Variants in GRM7 observed in about 807,000 individuals in gnomAD.
GRM7 encodes the protein glutamate metabotropic receptor 7.
Under a neutral mutation model 84.5 loss-of-function variants are expected in GRM7, and 35 were observed. That is an observed-to-expected ratio of 0.41 (90% confidence interval 0.32 to 0.55). The LOEUF (loss-of-function observed/expected upper bound fraction) is 0.55, where lower values mean the gene tolerates loss of function less well. Among genes scored for constraint, GRM7 ranks in the 20% least tolerant of loss-of-function variants. GRM7 has a pLI of 0.19. For missense variants in GRM7, 1,003 were observed against 1,194.6 expected (o/e 0.84, Z 2.36); for synonymous variants, 487 against 455.1 (o/e 1.07, Z -0.89).
At chr3:7,184,136 T>C (rs1695435968) in intron 2 of GRM7, among the ~76,000 whole-genome samples, 1 of 152,068 alleles carries the variant, frequency 6.6e-6, no homozygotes. Context: ...AGAGAGAGAA[T>C]GAGAAGACTA....
chr3:7,534,306 G>A (rs1437912070), intron 7 of GRM7, among the ~76,000 whole-genome samples: 5 of 152,176 alleles, frequency 3.3e-5, no homozygotes, highest in Middle Eastern at 3.4e-3. Context: ...GAGCCATGGC[G>A]CCCAGCTGAA....
chr3:7,139,462 T>C (rs929309196), intron 1 of GRM7, among the ~76,000 whole-genome samples: 9 of 151,956 alleles, frequency 5.9e-5, no homozygotes, highest in Non-Finnish European at 1.0e-4. Flanking sequence ...TAAAAAGTAC[T>C]GATTTAAAAA....
At chr3:6,945,469 A>G (rs974397322) in intron 1 of GRM7, among the ~76,000 whole-genome samples, 1 of 152,056 alleles carries the variant, frequency 6.6e-6, no homozygotes, top group African/African-American at 2.4e-5. Flanking sequence ...TCATTGTTGG[A>G]CATTTCAGTT....
intron 1 of GRM7, among the ~76,000 whole-genome samples, chr3:7,080,830 AATC>A (rs1698253060): frequency 6.6e-6 from 1 of 152,036 alleles, no homozygotes; most frequent in African/African-American, 2.4e-5. Context: ...TTTTTAAAAA[AATC>A]ATTCTTGCGT....
intron 2 of GRM7, among the ~76,000 whole-genome samples, chr3:7,279,367 A>G (rs895146214): frequency 5.9e-5 from 9 of 152,162 alleles, no homozygotes; most frequent in Admixed American, 2.0e-4. Flanking sequence ...CCAGATACCA[A>G]TATCTGTTGA....
chr3:6,871,895 T>C (rs1695134319), intron 1 of GRM7, among the ~76,000 whole-genome samples: 1 of 152,034 alleles, frequency 6.6e-6, no homozygotes, highest in Non-Finnish European at 1.5e-5. Flanking sequence ...CATAATTAAG[T>C]TCAGTAGAGT....
chr3:7,358,716 A>G (rs1693519335), intron 4 of GRM7, among the ~76,000 whole-genome samples: 2 of 125,202 alleles, frequency 1.6e-5, no homozygotes, highest in Non-Finnish European at 3.4e-5. Flanking sequence ...TTTTGGGATA[A>G]GCTTCTCTTT....
chr3:7,734,305 T>C (rs1293048546), intron 9 of GRM7, among the ~76,000 whole-genome samples: 1 of 151,856 alleles, frequency 6.6e-6, no homozygotes, highest in Non-Finnish European at 1.5e-5. Flanking sequence ...TTTATCTTCA[T>C]CTCACTGAGT....
chr3:7,451,442 G>A (rs1412974686), intron 5 of GRM7, among the ~76,000 whole-genome samples: 2 of 152,190 alleles, frequency 1.3e-5, no homozygotes, highest in African/African-American at 4.8e-5. Flanking sequence ...GTATGATGGT[G>A]AAAGCAAAGA....
intron 1 of GRM7, among the ~76,000 whole-genome samples, chr3:7,002,248 G>T (rs949501669): frequency 2.0e-5 from 3 of 152,104 alleles, no homozygotes; most frequent in African/African-American, 7.2e-5. Context: ...TGCCACAAAG[G>T]TCTCCCAAGC....
intron 1 of GRM7, among the ~76,000 whole-genome samples, chr3:6,945,369 A>G (rs537484630): frequency 6.6e-6 from 1 of 152,208 alleles, no homozygotes; most frequent in East Asian, 1.9e-4. Context: ...AGCTTCATTC[A>G]TGCCCCTACA....
intron 9 of GRM7, 188 bp downstream of exon 9, chr3:7,680,483 C>T (rs1461146931): frequency 6.6e-6 from 4 of 607,004 alleles, no homozygotes; most frequent in Admixed American, 3.0e-5. Context: ...CTTTTTGTTC[C>T]TTGTTGGAAA....
intron 3 of GRM7, among the ~76,000 whole-genome samples, chr3:7,302,269 G>GT (rs928576139): frequency 2.0e-5 from 3 of 152,016 alleles, no homozygotes; most frequent in Middle Eastern, 3.4e-3. Flanking sequence ...TTTGCAATAA[G>GT]TTTTTTTATA....
chr3:7,097,173 G>A (rs2125015375), intron 1 of GRM7, among the ~76,000 whole-genome samples: 1 of 152,214 alleles, frequency 6.6e-6, no homozygotes, highest in South Asian at 2.1e-4. Flanking sequence ...GATGGAGAGT[G>A]GTAGACTGAC....
At chr3:7,113,145 A>T (rs938934260) in intron 1 of GRM7, among the ~76,000 whole-genome samples, 1 of 152,206 alleles carries the variant, frequency 6.6e-6, no homozygotes, top group African/African-American at 2.4e-5. Context: ...AACACACTTA[A>T]AAATCATTGT....
At chr3:7,551,266 A>C (rs35007266) in intron 7 of GRM7, among the ~76,000 whole-genome samples, 31,002 of 152,182 alleles carry the variant, frequency 0.2, 3,751 homozygotes, top group East Asian at 0.45. Context: ...AGAGTTTTGC[A>C]TACAGACCCC....
At chr3:7,430,209 A>G (rs996152459) in intron 5 of GRM7, among the ~76,000 whole-genome samples, 2 of 152,242 alleles carry the variant, frequency 1.3e-5, no homozygotes, top group Non-Finnish European at 1.5e-5. Context: ...TGCAGCCTAT[A>G]GAATCTTTTT....
chr3:7,416,177 T>G (rs1372547560), intron 5 of GRM7, among the ~76,000 whole-genome samples: 10 of 152,060 alleles, frequency 6.6e-5, no homozygotes, highest in Non-Finnish European at 8.8e-5. Context: ...AGGCTGCAGG[T>G]GTAGAGAGAT....
At chr3:7,291,384 C>A (rs926115086) in intron 2 of GRM7, among the ~76,000 whole-genome samples, 1 of 152,056 alleles carries the variant, frequency 6.6e-6, no homozygotes, top group Non-Finnish European at 1.5e-5. Flanking sequence ...TGGTTTACCA[C>A]TTTTAAGGAG....
Sources: gnomAD v4.1 joint callset for allele counts (sites outside exome capture counted in the v4.1 genomes callset) on GRCh38, gnomAD v4.1.1 for gene constraint, MANE v1.5 for transcripts, NCBI Gene and HGNC (gene_info 2026-07-23, HGNC 2026-07-21) for gene names.